The following MGAM2 variants were observed in gnomAD, a reference collection of about 807,000 sequenced individuals.
The protein encoded by MGAM2 is probable maltase-glucoamylase 2.
MGAM2 carries 98 observed loss-of-function variants against 96.1 expected under a neutral mutation model. The ratio of observed to expected loss-of-function variants is 1.02; its 90% CI spans 0.87 to 1.21. MGAM2 has a LOEUF of 1.21. Among genes scored for constraint, MGAM2 ranks in the 50% most tolerant of loss-of-function variants. The pLI is 0.00. For synonymous variants in MGAM2, 749 were observed against 414.8 expected (o/e 1.81, Z -9.79); for missense variants, 2,055 against 1,182.4 (o/e 1.74, Z -10.82).
chr7:142,199,857 A>ATT lies in MGAM2; in HGVS notation c.5049-23_5049-22insTT, dbSNP rs1284145342. The ATT allele has an allele frequency of 8.1e-6, 5 of 615,266 alleles. No homozygotes were observed. In the African/African-American group the frequency reaches 1.4e-4, roughly 17 times the overall value. The allele number at this position is 615,266 out of a possible 1,614,324, so 38.1% of individuals were successfully genotyped here. On this transcript the variant is annotated intron_variant, in intron 44 of 47. Coordinates refer to ENST00000477922, the MANE Select transcript of MGAM2 (RefSeq NM_001293626.2). Reference sequence around the variant, plus strand: ...ACAACCTACAATCTAGAGAAAAATAACTCTTTTTTTTTTTTTTGGTAGTCG... The same window carrying ATT: ...ACAACCTACAATCTAGAGAAAAATAATTCTCTTTTTTTTTTTTTTGGTAGTCG...
At position 142,186,070 on chromosome 7, in the gene MGAM2, T is replaced by C. The variant is rs757403021; in HGVS notation, c.4069T>C (p.Tyr1357His). 4.2e-6 allele frequency: 3 copies of C among 706,112 alleles called. No individual in the cohort carries two copies. The South Asian group carries it at 4.4e-5, about 10-fold the overall frequency. 43.7% of individuals were successfully genotyped at this position (706,112 alleles called of 1,614,324 possible). ...AWWKKEIEEL[Y>H]ANPREPEKSL... ...GTGGAAGAAAGAGATAGAAGAGCTC[T>C]ATGCAAACCCTCGAGAGCCAGAGAA... The change falls in exon 35 of 48, where the codon TAT (tyrosine) becomes CAT (histidine). Residue 1357 changes from tyrosine (Y) to histidine (H), a missense_variant. Tyr to His is a moderately conservative substitution (Grantham distance 83). Coordinates refer to ENST00000477922, the MANE Select transcript of MGAM2 (RefSeq NM_001293626.2).
At chr7:142,149,257 C>T (rs1486457225) in intron 15 of MGAM2, among the ~76,000 whole-genome samples, 5 of 151,776 alleles carry the variant, frequency 3.3e-5, no homozygotes, top group Non-Finnish European at 7.4e-5. Flanking sequence ...AGATACTTCT[C>T]TGCCTGGTGC....
At position 142,208,553 on chromosome 7, in the gene MGAM2, T is replaced by TTTTTGTTTTTTTCTTTTTTA; in HGVS notation, c.5138-18_5138-17insTTGTTTTTTTCTTTTTTATT. 1 of 702,366 alleles carries TTTTTGTTTTTTTCTTTTTTA rather than the reference T, an allele frequency of 1.4e-6. No homozygotes were observed. The highest frequency in any genetic ancestry group is 2.6e-6 in the Non-Finnish European group (1 of 384,780). 43.5% of individuals were successfully genotyped at this position (702,366 alleles called of 1,614,324 possible). On this transcript the variant is annotated intron_variant, in intron 45 of 47. Coordinates refer to ENST00000477922, the MANE Select transcript of MGAM2 (RefSeq NM_001293626.2). ...GAAGCAGTTAGTAGTTGCTTATTCT[T>TTTTTGTTTTTTTCTTTTTTA]TTCTTTTCCTTGTTTGCAGATACCT...
intron 35 of MGAM2, 138 bp from the exon 36 acceptor site, chr7:142,187,612 C>A (rs1453884420): frequency 3.5e-6 from 2 of 567,774 alleles, no homozygotes; most frequent in African/African-American, 3.7e-5. Context: ...TGGGTCAGTG[C>A]CAGGAATTAA....
Position 142,130,983 on chromosome 7 carries a change from G to A in MGAM2, c.222G>A (p.Ser74=), listed in dbSNP as rs116918591. The A allele has an allele frequency of 1.6e-4, 115 of 702,692 alleles. No individual in the cohort carries two copies. In the East Asian group the frequency reaches 2.5e-3, roughly 15 times the overall value. 43.5% of individuals were successfully genotyped at this position (702,692 alleles called of 1,614,324 possible). The change falls in exon 4 of 48, where the codon TCG becomes TCA. Residue 74 remains serine, a synonymous_variant. Coordinates refer to ENST00000477922, the MANE Select transcript of MGAM2 (RefSeq NM_001293626.2). ...ICRWQYKCCW[S]PVADANVPRC... Reference sequence around the variant, plus strand: ...GATGGCAATATAAGTGCTGCTGGTCGCCTGTGGCAGATGCCAATGTCCCTA... The same window carrying A: ...GATGGCAATATAAGTGCTGCTGGTCACCTGTGGCAGATGCCAATGTCCCTA...
intron 44 of MGAM2, among the ~76,000 whole-genome samples, chr7:142,199,572 G>A (rs1324745759): frequency 6.6e-6 from 1 of 152,132 alleles, no homozygotes; most frequent in Non-Finnish European, 1.5e-5. Flanking sequence ...GTGGCAACCT[G>A]GAAGCTACTG....
At chr7:142,177,719 T>G (rs976310519) in intron 32 of MGAM2, among the ~76,000 whole-genome samples, 1 of 152,228 alleles carries the variant, frequency 6.6e-6, no homozygotes, top group Non-Finnish European at 1.5e-5. Context: ...TTTATGGCTG[T>G]GTATTATTCC....
Position 142,166,184 on chromosome 7 carries a change from G to A in MGAM2, c.2739G>A (p.Lys913=), listed in dbSNP as rs1368837000. ...RWNLPVSDLE[K]FNCYPDDPTA... ...ATCTTCCTGTCAGTGACCTGGAGAAGTTCAACTGCTACCCTGATGATCCAA... is the reference window on the plus strand; with the variant it reads ...ATCTTCCTGTCAGTGACCTGGAGAAATTCAACTGCTACCCTGATGATCCAA... The change falls in exon 25 of 48, where the codon AAG becomes AAA. Residue 913 remains lysine (K), a synonymous_variant. Coordinates refer to ENST00000477922, the MANE Select transcript of MGAM2 (RefSeq NM_001293626.2). 7 of 702,524 alleles carry A rather than the reference G, an allele frequency of 1.0e-5. No homozygotes were observed. Among genetic ancestry groups the A allele is most frequent in the Non-Finnish European group, 1.8e-5 (7 of 384,828 alleles). The allele number at this position is 702,524 out of a possible 1,614,324, so 43.5% of individuals were successfully genotyped here.
chr7:142,153,181 T>C (rs1035675921), intron 15 of MGAM2, among the ~76,000 whole-genome samples: 2 of 152,134 alleles, frequency 1.3e-5, no homozygotes, highest in East Asian at 3.9e-4. Flanking sequence ...TCTGTATTTT[T>C]AGTAGAGATG....
intron 36 of MGAM2, 51 bp downstream of exon 36, chr7:142,187,885 A>G (rs2129096690): frequency 1.5e-6 from 1 of 686,464 alleles, no homozygotes; most frequent in East Asian, 2.7e-5. Flanking sequence ...AAAGACTCCA[A>G]AAGTTTTCCT....
At position 142,166,798 on chromosome 7, in the gene MGAM2, T is replaced by G. The variant is rs571267001; in HGVS notation, c.2809-470T>G. Among the ~76,000 whole-genome samples the G allele has an allele frequency of 2.6e-5, 4 of 152,346 alleles. No homozygotes were observed. The East Asian group carries it at 7.7e-4, about 29-fold the overall frequency. On this transcript the variant is annotated intron_variant, in intron 25 of 47. Transcript: ENST00000477922. ...ATGTGTTCATTTGCTAGGGTTACCATAACAGAGTACCACAAACTGAGTGGC... is the reference window on the plus strand; with the variant it reads ...ATGTGTTCATTTGCTAGGGTTACCAGAACAGAGTACCACAAACTGAGTGGC...
intron 46 of MGAM2, among the ~76,000 whole-genome samples, chr7:142,211,590 CAG>C (rs1480107853): frequency 1.3e-5 from 2 of 152,040 alleles, no homozygotes; most frequent in Non-Finnish European, 2.9e-5. Context: ...GAAAGGATAT[CAG>C]AGATTGAACA....
chr7:142,210,530 T>C, intron 46 of MGAM2, among the ~76,000 whole-genome samples: 1 of 152,260 alleles, frequency 6.6e-6, no homozygotes, highest in South Asian at 2.1e-4. Flanking sequence ...TACTGAGGCT[T>C]GAGTAGGCGG....
chr7:142,158,944 AG>A, intron 19 of MGAM2, among the ~76,000 whole-genome samples: 1 of 152,294 alleles, frequency 6.6e-6, no homozygotes, highest in Middle Eastern at 3.4e-3. Context: ...ATCTGATGAC[AG>A]GTCCTGCTAA....
At chr7:142,166,287 A>T in intron 25 of MGAM2, 34 bp downstream of exon 25, 1 of 674,844 alleles carries the variant, frequency 1.5e-6, no homozygotes. Context: ...CTCATTGATT[A>T]GGAAGTAATT....
chr7:142,220,646 C>A lies in MGAM2; in HGVS notation c.6135C>A (p.Phe2045Leu), dbSNP rs1259228495. 1.4e-6 allele frequency: 1 copy of A among 702,162 alleles called. No homozygotes were observed. The highest frequency in any genetic ancestry group is 2.6e-6 in the Non-Finnish European group (1 of 384,830). The allele number at this position is 702,162 out of a possible 1,614,324, so 43.5% of individuals were successfully genotyped here. A position where few individuals can be genotyped will look rare whatever the true frequency, so the allele number is the denominator to read the frequency against. The change falls in exon 48 of 48, where the codon TTC (phenylalanine) becomes TTA (leucine). Residue 2045 changes from phenylalanine (F) to leucine (L), a missense_variant. Phe to Leu is a conservative substitution (Grantham distance 22). Transcript: ENST00000477922. ...GTTVPDTTAP[F>L]PTSTTSTSTS... ...CTGTTCCTGATACAACTGCTCCTTT[C>A]CCTACAAGTACTACTAGTACTAGCA...
At chr7:142,186,201 A>T in intron 35 of MGAM2, 78 bp downstream of exon 35, 1 of 673,672 alleles carries the variant, frequency 1.5e-6, no homozygotes, top group Non-Finnish European at 2.7e-6. Context: ...GAGACTAGCA[A>T]AGCAGAGACA....
chr7:142,170,505 C>T (rs1183134313), intron 27 of MGAM2, among the ~76,000 whole-genome samples: 1 of 152,050 alleles, frequency 6.6e-6, no homozygotes, highest in African/African-American at 2.4e-5. Flanking sequence ...GAACAGAAAA[C>T]TCTAATAAGT....
Position 142,147,546 on chromosome 7 carries a change from G to A in MGAM2, c.1607G>A (p.Gly536Asp), listed in dbSNP as rs1274840764. Residue 536 changes from glycine (G) to aspartate (D), a missense_variant, in exon 15 of 48, where the codon GGC becomes GAC. Gly to Asp is a moderately conservative substitution (Grantham distance 94). Transcript: ENST00000477922. Reference sequence around the variant, plus strand: ...CATTATGACATCCACAGCTTGTATGGCCACTCCATGGCAAGAACCACAAAC... The same window carrying A: ...CATTATGACATCCACAGCTTGTATGACCACTCCATGGCAAGAACCACAAAC... Reference protein sequence around the residue: ...GLHYDIHSLYGHSMARTTNLA... With the variant: ...GLHYDIHSLYDHSMARTTNLA... 1 of 702,804 alleles carries A rather than the reference G, an allele frequency of 1.4e-6. No individual in the cohort carries two copies. Among genetic ancestry groups the A allele is most frequent in the Admixed American group, 2.0e-5 (1 of 49,992 alleles). 43.5% of individuals were successfully genotyped at this position (702,804 alleles called of 1,614,324 possible).
Sources: gnomAD v4.1 joint callset for allele counts (sites outside exome capture counted in the v4.1 genomes callset) on GRCh38, gnomAD v4.1.1 for gene constraint, MANE v1.5 for transcripts, NCBI Gene and HGNC (gene_info 2026-07-23, HGNC 2026-07-21) for gene names.